Variants in FNDC3A observed in about 807,000 individuals in gnomAD.
FNDC3A encodes fibronectin type III domain containing 3A, also known as fibronectin type-III domain-containing protein 3A.
A neutral mutation model predicts 148.9 loss-of-function variants in FNDC3A; 32 were observed. That is an observed-to-expected ratio of 0.21 (90% CI 0.16 to 0.29). FNDC3A has a LOEUF of 0.29. Among genes scored for constraint, FNDC3A ranks in the 10% least tolerant of loss-of-function variants. FNDC3A has a pLI of 1.00. For synonymous variants in FNDC3A, 472 were observed against 473.6 expected (o/e 1.00, Z 0.04); for missense variants, 1,191 against 1,452.8 (o/e 0.82, Z 2.93).
At chr13:49,195,596 T>G (rs1434961283) in intron 19 of FNDC3A, among the ~76,000 whole-genome samples, 1 of 152,266 alleles carries the variant, frequency 6.6e-6, no homozygotes, top group Non-Finnish European at 1.5e-5. Context: ...AACTTGATAT[T>G]TTTAAAATCC....
In FNDC3A at chr13:49,198,273, C is replaced by T. The variant is rs1593744500; in HGVS notation, c.2774+8C>T. 8.1e-6 allele frequency: 13 copies of T among 1,611,180 alleles called. No individual in the cohort carries two copies. The East Asian group carries it at 2.9e-4, about 36-fold the overall frequency. On this transcript the variant is annotated splice_region_variant and intron_variant, in intron 22 of 25. Coordinates refer to ENST00000492622, the MANE Select transcript of FNDC3A (RefSeq NM_001079673.2). The stretch of plus-strand genomic sequence containing the variant: ...ACCAGATACAACATACAGGTATACT[C>T]TAAAAATTATGTTGATTTTTGCCTA...
Position 49,054,980 on chromosome 13 carries a change from C to T in FNDC3A, c.100-20309C>T, listed in dbSNP as rs185304324. ...ATTTTTACCTGAGATATCTTCATTT[C>T]ATTTTCTTTTTGAATTACAGTTTAG... On this transcript the variant is annotated intron_variant, in intron 2 of 25. Transcript: ENST00000492622. Among the ~76,000 whole-genome samples the T allele has an allele frequency of 2.2e-4, 33 of 151,736 alleles. 1 individual carries two copies. Among genetic ancestry groups the T allele is most frequent in the Admixed American group, 1.8e-3 (27 of 15,270 alleles).
At chr13:49,141,546 A>T (rs1208311593) in intron 7 of FNDC3A, among the ~76,000 whole-genome samples, 1 of 152,068 alleles carries the variant, frequency 6.6e-6, no homozygotes, top group Non-Finnish European at 1.5e-5. Flanking sequence ...TCAAACATTT[A>T]TGTTTATTCT....
chr13:49,144,136 C>T (rs1882859824), intron 7 of FNDC3A, among the ~76,000 whole-genome samples: 1 of 151,874 alleles, frequency 6.6e-6, no homozygotes, highest in Non-Finnish European at 1.5e-5. Context: ...CTATTATCAT[C>T]CCATAAAATC....
chr13:49,155,462 A>G (rs1279905242), intron 8 of FNDC3A, among the ~76,000 whole-genome samples: 1 of 147,868 alleles, frequency 6.8e-6, no homozygotes, highest in Non-Finnish European at 1.5e-5. Flanking sequence ...GATCCTTTCA[A>G]AAAACCAGCT....
chr13:49,096,709 A>G (rs911373974), intron 3 of FNDC3A, among the ~76,000 whole-genome samples: 1 of 152,064 alleles, frequency 6.6e-6, no homozygotes, highest in Non-Finnish European at 1.5e-5. Context: ...CAGTTATTTG[A>G]AAGACTTAGG....
intron 2 of FNDC3A, among the ~76,000 whole-genome samples, chr13:49,026,173 A>T (rs1277045013): frequency 6.6e-6 from 1 of 152,230 alleles, no homozygotes; most frequent in Non-Finnish European, 1.5e-5. Flanking sequence ...GATTTGTAAG[A>T]TGTGAAGTCA....
At chr13:49,186,804 G>A (rs1276906576) in intron 15 of FNDC3A, among the ~76,000 whole-genome samples, 1 of 152,190 alleles carries the variant, frequency 6.6e-6, no homozygotes, top group Non-Finnish European at 1.5e-5. Flanking sequence ...GGAGGCAGAG[G>A]TTGCAGTGAG....
chr13:48,977,587 AATGAG>A (rs1040563048), intron 1 of FNDC3A, among the ~76,000 whole-genome samples: 27 of 152,342 alleles, frequency 1.8e-4, no homozygotes, highest in African/African-American at 5.8e-4. Context: ...TTTCTTAAGT[AATGAG>A]ATGAAGTACT....
At chr13:48,982,302 A>C (rs1331565303) in intron 1 of FNDC3A, among the ~76,000 whole-genome samples, 1 of 151,998 alleles carries the variant, frequency 6.6e-6, no homozygotes, top group Non-Finnish European at 1.5e-5. Context: ...CTTTGTTCTT[A>C]TGACTTGATT....
At chr13:49,179,090 T>G (rs919061489) in intron 14 of FNDC3A, among the ~76,000 whole-genome samples, 2 of 152,222 alleles carry the variant, frequency 1.3e-5, no homozygotes, top group Non-Finnish European at 2.9e-5. Flanking sequence ...TCTTAAATAA[T>G]GTTGACCTTT....
chr13:48,990,651 G>A (rs1402685303), intron 1 of FNDC3A, among the ~76,000 whole-genome samples: 4 of 148,394 alleles, frequency 2.7e-5, no homozygotes, highest in South Asian at 4.3e-4. Context: ...AGTCACAGCC[G>A]CTCGGAAGGC....
At chr13:49,131,913 A>G (rs935597878) in intron 5 of FNDC3A, among the ~76,000 whole-genome samples, 1 of 152,252 alleles carries the variant, frequency 6.6e-6, no homozygotes, top group African/African-American at 2.4e-5. Flanking sequence ...AAACAGTGCC[A>G]GACTTATTCC....
At chr13:49,194,996 G>T (rs1446002529) in intron 19 of FNDC3A, among the ~76,000 whole-genome samples, 3 of 152,096 alleles carry the variant, frequency 2.0e-5, no homozygotes, top group East Asian at 3.9e-4. Flanking sequence ...TTGGAGTTTT[G>T]ATTTTGCCCT....
intron 5 of FNDC3A, among the ~76,000 whole-genome samples, chr13:49,133,544 A>G (rs1010132281): frequency 6.6e-6 from 1 of 152,180 alleles, no homozygotes; most frequent in Non-Finnish European, 1.5e-5. Context: ...CTAAATGCTA[A>G]TTATTGACAG....
intron 4 of FNDC3A, among the ~76,000 whole-genome samples, chr13:49,123,167 A>C (rs1178527170): frequency 6.6e-6 from 1 of 152,214 alleles, no homozygotes; most frequent in African/African-American, 2.4e-5. Context: ...CCAGTGGAAC[A>C]GAACAGAGGC....
At chr13:49,153,489 G>A (rs1191799104) in intron 8 of FNDC3A, among the ~76,000 whole-genome samples, 1 of 152,180 alleles carries the variant, frequency 6.6e-6, no homozygotes, top group Non-Finnish European at 1.5e-5. Context: ...TCTGATGGTA[G>A]TTTCTTTTGC....
intron 2 of FNDC3A, among the ~76,000 whole-genome samples, chr13:49,007,058 G>A (rs1952235486): frequency 6.6e-6 from 1 of 152,044 alleles, no homozygotes; most frequent in Non-Finnish European, 1.5e-5. Context: ...TTATTTTGCA[G>A]ATGAAGCAAA....
At chr13:49,047,708 A>G (rs898362999) in intron 2 of FNDC3A, among the ~76,000 whole-genome samples, 28 of 152,184 alleles carry the variant, frequency 1.8e-4, no homozygotes, top group African/African-American at 6.7e-4. Context: ...TGTCGGATGT[A>G]TAGCTTGTGA....
Sources: allele counts gnomAD v4.1 joint callset (sites outside exome capture counted in the v4.1 genomes callset), GRCh38; gene constraint gnomAD v4.1.1; transcripts MANE v1.5; gene names NCBI Gene and HGNC (gene_info 2026-07-23, HGNC 2026-07-21).